Variants in BNC2 observed in about 807,000 individuals in gnomAD.
BNC2 encodes the protein basonuclin zinc finger protein 2, also known as zinc finger protein basonuclin-2.
A neutral mutation model predicts 76.3 loss-of-function variants in BNC2; 20 were observed. The observed-to-expected ratio is 0.26, with a 90% CI of 0.18 to 0.38. The LOEUF (loss-of-function observed/expected upper bound fraction) is 0.38, where lower values mean the gene tolerates loss of function less well. Among genes scored for constraint, BNC2 ranks in the 10% least tolerant of loss-of-function variants. The pLI, the probability that BNC2 is intolerant of heterozygous loss-of-function variation, is 1.00. For missense variants in BNC2, 1,382 were observed against 1,399.8 expected (o/e 0.99, Z 0.20); for synonymous variants, 582 against 514.8 (o/e 1.13, Z -1.77).
chr9:16,530,862 G>A (rs995730271), intron 5 of BNC2, among the ~76,000 whole-genome samples: 3 of 152,168 alleles, frequency 2.0e-5, no homozygotes, highest in African/African-American at 7.2e-5. Context: ...GAGCTGGACA[G>A]GTGTCATGCA....
intron 2 of BNC2, 156 bp from the exon 3 acceptor site, chr9:16,728,153 ATCCCTATCATTTATGCATAGATTGTGAC>A (rs1824405558): frequency 2.7e-6 from 2 of 748,854 alleles, no homozygotes; most frequent in East Asian, 2.5e-5. Context: ...CTGCACAGAT[ATCCCTATCATTTATGCATAGATTGTGAC>A]TCCCCAAGCT....
intron 6 of BNC2, among the ~76,000 whole-genome samples, chr9:16,435,285 C>T (rs925392852): frequency 2.0e-5 from 3 of 152,082 alleles, no homozygotes; most frequent in East Asian, 1.9e-4. Context: ...TGCATGAAAA[C>T]ACATACACAC....
At chr9:16,490,013 G>A (rs530751832) in intron 5 of BNC2, among the ~76,000 whole-genome samples, 4 of 152,024 alleles carry the variant, frequency 2.6e-5, no homozygotes, top group South Asian at 2.1e-4. Flanking sequence ...AACAATACAC[G>A]GATCTTTCTA....
At chr9:16,681,806 C>T (rs940925994) in intron 3 of BNC2, among the ~76,000 whole-genome samples, 6 of 152,098 alleles carry the variant, frequency 3.9e-5, no homozygotes, top group East Asian at 3.9e-4. Flanking sequence ...AAGCATAGAC[C>T]GCCTGGTACT....
At chr9:16,437,941 C>T (rs150761097) in intron 5 of BNC2, among the ~76,000 whole-genome samples, 289 of 152,218 alleles carry the variant, frequency 1.9e-3, no homozygotes, top group African/African-American at 5.9e-3. Context: ...AATAGTGATA[C>T]TATAGGAAGG....
At chr9:16,869,502 T>C (rs1819623593) in intron 1 of BNC2, among the ~76,000 whole-genome samples, 2 of 152,134 alleles carry the variant, frequency 1.3e-5, no homozygotes, top group South Asian at 4.1e-4. Context: ...AAACAAGAGA[T>C]GTCACATTAG....
chr9:16,727,716 A>G, intron 3 of BNC2, 81 bp downstream of exon 3: 1 of 1,227,292 alleles, frequency 8.1e-7, no homozygotes, highest in South Asian at 1.3e-5. Context: ...AGAAAGAAAA[A>G]CACCAGAAAC....
rs1284207933 is a variant in BNC2 at position 16,435,663 on chromosome 9, C to G, written c.2531G>C (p.Ser844Thr). 2 of 1,614,098 alleles carry G rather than the reference C, an allele frequency of 1.2e-6. No homozygotes were observed. The highest frequency in any genetic ancestry group is 1.7e-6 in the Non-Finnish European group (2 of 1,180,016). The change falls in exon 6 of 7, where the codon AGC becomes ACC. Residue 844 changes from serine to threonine, a missense_variant. By Grantham distance (58) the Ser-to-Thr change is moderately conservative (BLOSUM62 1). Transcript: ENST00000380672. The part of the protein sequence containing the change: ...ICYVCKKSFK[S>T]SYSVKLHYRN... ...GTAGTGAAGTTTCACACTGTAGGAGCTTTTGAAACTCTTCTTGCACACATA... is the reference window on the plus strand; with the variant it reads ...GTAGTGAAGTTTCACACTGTAGGAGGTTTTGAAACTCTTCTTGCACACATA...
chr9:16,442,304 T>C (rs1032725851), intron 5 of BNC2, among the ~76,000 whole-genome samples: 4 of 152,168 alleles, frequency 2.6e-5, no homozygotes, highest in Non-Finnish European at 5.9e-5. Context: ...AGACTTAAAA[T>C]ATTTACACCT....
intron 5 of BNC2, among the ~76,000 whole-genome samples, chr9:16,469,486 CCTT>C (rs1274434259): frequency 6.6e-6 from 1 of 152,238 alleles, no homozygotes; most frequent in African/African-American, 2.4e-5. Context: ...TCTGAGGCCT[CCTT>C]AGCCATGGGG....
intron 5 of BNC2, among the ~76,000 whole-genome samples, chr9:16,533,269 C>T (rs1325150990): frequency 6.6e-6 from 1 of 152,126 alleles, no homozygotes; most frequent in Non-Finnish European, 1.5e-5. Flanking sequence ...AGGAAACACC[C>T]TGCATGCCTC....
At chr9:16,664,101 CCT>C (rs1213798049) in intron 3 of BNC2, among the ~76,000 whole-genome samples, 42 of 152,156 alleles carry the variant, frequency 2.8e-4, no homozygotes, top group Non-Finnish European at 1.8e-4. Flanking sequence ...CTTTATTCCT[CCT>C]GTTTCCCAAT....
intron 1 of BNC2, among the ~76,000 whole-genome samples, chr9:16,801,617 G>A (rs963868777): frequency 6.6e-5 from 10 of 151,608 alleles, no homozygotes; most frequent in African/African-American, 2.4e-4. Flanking sequence ...GAAGTTTCAA[G>A]TTACTTTTAA....
At chr9:16,588,020 T>C (rs1819821161) in intron 3 of BNC2, among the ~76,000 whole-genome samples, 1 of 152,178 alleles carries the variant, frequency 6.6e-6, no homozygotes, top group African/African-American at 2.4e-5. Context: ...AGGATAGACA[T>C]GTCTGTTGGG....
intron 5 of BNC2, among the ~76,000 whole-genome samples, chr9:16,532,164 G>A (rs1470554551): frequency 1.3e-5 from 2 of 150,574 alleles, no homozygotes; most frequent in Admixed American, 6.6e-5. Context: ...AGGAAGCACT[G>A]ACTATAGGAT....
chr9:16,848,679 A>G (rs1427841754), intron 1 of BNC2, among the ~76,000 whole-genome samples: 1 of 152,168 alleles, frequency 6.6e-6, no homozygotes, highest in Non-Finnish European at 1.5e-5. Context: ...AGACTTTGGG[A>G]TTTGGTTAAA....
intron 5 of BNC2, among the ~76,000 whole-genome samples, chr9:16,483,299 T>C (rs1822097684): frequency 6.6e-6 from 1 of 152,228 alleles, no homozygotes; most frequent in East Asian, 1.9e-4. Flanking sequence ...ATATTTCATT[T>C]CCTTACATAC....
At chr9:16,464,794 T>C (rs138027626) in intron 5 of BNC2, among the ~76,000 whole-genome samples, 15 of 152,276 alleles carry the variant, frequency 9.9e-5, no homozygotes, top group African/African-American at 3.4e-4. Context: ...TCAAAATTCA[T>C]CTCCTATCCT....
At chr9:16,788,250 C>T (rs1826351439) in intron 1 of BNC2, among the ~76,000 whole-genome samples, 2 of 152,088 alleles carry the variant, frequency 1.3e-5, no homozygotes, top group African/African-American at 4.8e-5. Context: ...GCTGATGACA[C>T]TCCATAAAGA....
Sources: gnomAD v4.1 joint callset for allele counts (sites outside exome capture counted in the v4.1 genomes callset) on GRCh38, gnomAD v4.1.1 for gene constraint, MANE v1.5 for transcripts, NCBI Gene and HGNC (gene_info 2026-07-23, HGNC 2026-07-21) for gene names.